The following BAZ1A variants were observed in gnomAD, a reference collection of about 807,000 sequenced individuals.
BAZ1A encodes bromodomain adjacent to zinc finger domain 1A, also known as bromodomain adjacent to zinc finger domain protein 1A.
Under a neutral mutation model 185.2 loss-of-function variants are expected in BAZ1A, and 50 were observed. That is an observed-to-expected ratio of 0.27 (90% CI 0.22 to 0.34). BAZ1A has a LOEUF of 0.34. Among genes scored for constraint, BAZ1A ranks in the 10% least tolerant of loss-of-function variants. The probability of loss-of-function intolerance (pLI) is 1.00; values close to 1 mark genes in which losing one functional copy is unlikely to be tolerated. For missense variants in BAZ1A, 1,356 were observed against 1,839.9 expected (o/e 0.74, Z 4.81); for synonymous variants, 571 against 615.6 (o/e 0.93, Z 1.07).
intron 3 of BAZ1A, among the ~76,000 whole-genome samples, chr14:34,839,735 C>A (rs773225612): frequency 1.4e-4 from 21 of 144,834 alleles, no homozygotes; most frequent in Non-Finnish European, 2.7e-4. Context: ...CCCAGCTACT[C>A]GGGAGGCTGA....
intron 12 of BAZ1A, among the ~76,000 whole-genome samples, chr14:34,789,111 T>C (rs571561889): frequency 3.0e-4 from 45 of 152,180 alleles, no homozygotes; most frequent in Non-Finnish European, 5.1e-4. Flanking sequence ...TGCAGAAAAA[T>C]ACTAGACCTA....
intron 3 of BAZ1A, among the ~76,000 whole-genome samples, chr14:34,861,495 T>C (rs1245802525): frequency 6.6e-6 from 1 of 152,170 alleles, no homozygotes. Flanking sequence ...GAAGGAGAAC[T>C]TAGTGGAGTA....
At chr14:34,870,118 G>A (rs940874494) in intron 2 of BAZ1A, among the ~76,000 whole-genome samples, 8 of 152,100 alleles carry the variant, frequency 5.3e-5, no homozygotes, top group Non-Finnish European at 1.0e-4. Flanking sequence ...CCAAGTTTTG[G>A]GGTAGGTTGT....
In BAZ1A at chr14:34,753,280, A is replaced by C. The variant is rs1886095360; in HGVS notation, c.*228T>G. The C allele has an allele frequency of 2.2e-6, 1 of 463,954 alleles. No homozygotes were observed. The highest frequency in any genetic ancestry group is 3.4e-5 in the East Asian group (1 of 29,460). The allele number at this position is 463,954 out of a possible 1,614,324, so 28.7% of individuals were successfully genotyped here. ...AAATGTACAAAAACCTCTGTAAACC[A>C]GTACTGTATCCAATACATCTATCAA... On this transcript the variant is annotated 3_prime_UTR_variant, in exon 27 of 27. Coordinates refer to ENST00000360310, the MANE Select transcript of BAZ1A (RefSeq NM_013448.3).
At chr14:34,773,752 C>T in intron 19 of BAZ1A, 26 bp from the exon 20 acceptor site, 1 of 1,609,532 alleles carries the variant, frequency 6.2e-7, no homozygotes, top group Non-Finnish European at 8.5e-7. Context: ...AACTTACTAA[C>T]CATGAAAAAT....
In BAZ1A at chr14:34,768,904, TAAAAC is replaced by T. The variant is rs1158517624; in HGVS notation, c.3301+2602_3301+2606del. ...AAAAAACATCCTCATGTATCTTACC[TAAAAC>T]AAAACATGATTTTATCTTCCCCAAA... On this transcript the variant is annotated intron_variant, in intron 21 of 26. Coordinates refer to ENST00000360310, the MANE Select transcript of BAZ1A (RefSeq NM_013448.3). 2.3e-5 allele frequency: 5 copies of T among 218,456 alleles called. No individual in the cohort carries two copies. The East Asian group carries it at 3.8e-4, about 17-fold the overall frequency. The allele number at this position is 218,456 out of a possible 1,614,324, so 13.5% of individuals were successfully genotyped here. A position where few individuals can be genotyped will look rare whatever the true frequency, so the allele number is the denominator to read the frequency against.
rs114598482 is a variant in BAZ1A at position 34,764,647 on chromosome 14, T to G, written c.3776+60A>C. On this transcript the variant is annotated intron_variant, in intron 23 of 26. Transcript: ENST00000360310. ...CCTAACTATTCCATTTGTATTTGAA[T>G]AGTGGAGAAATTGTCTAACTAAGAC... The G allele has an allele frequency of 1.7e-4, 258 of 1,544,140 alleles. 1 individual carries two copies. The African/African-American group carries it at 3.2e-3, about 19-fold the overall frequency.
At chr14:34,837,249 C>CT (rs956528567) in intron 3 of BAZ1A, among the ~76,000 whole-genome samples, 61 of 151,218 alleles carry the variant, frequency 4.0e-4, no homozygotes, top group South Asian at 1.0e-3. Flanking sequence ...TAATAAGTCT[C>CT]TTTTTTTCTT....
At chr14:34,758,444 G>C (rs1886365688) in intron 25 of BAZ1A, 1 of 324,278 alleles carries the variant, frequency 3.1e-6, no homozygotes, top group African/African-American at 2.2e-5. Context: ...GCCGGGTGTG[G>C]TGGTGTGTGC....
intron 3 of BAZ1A, among the ~76,000 whole-genome samples, chr14:34,837,680 TATTA>T (rs1169758333): frequency 1.3e-5 from 2 of 152,208 alleles, no homozygotes; most frequent in Non-Finnish European, 2.9e-5. Flanking sequence ...ATTAAAGCCT[TATTA>T]ATTAGTGTGG....
chr14:34,771,711 A>G (rs1377221163), intron 20 of BAZ1A, 52 bp from the exon 21 acceptor site: 4 of 1,545,362 alleles, frequency 2.6e-6, no homozygotes, highest in Admixed American at 3.7e-5. Context: ...CTATTAGGTA[A>G]AACTTGAGTC....
chr14:34,852,897 A>T (rs574752273), intron 3 of BAZ1A, among the ~76,000 whole-genome samples: 18 of 152,304 alleles, frequency 1.2e-4, no homozygotes, highest in African/African-American at 3.6e-4. Flanking sequence ...TGATTTTGTA[A>T]ATCAGTCCTC....
At chr14:34,813,733 CAA>C (rs1245136087) in intron 4 of BAZ1A, among the ~76,000 whole-genome samples, 3 of 151,240 alleles carry the variant, frequency 2.0e-5, no homozygotes, top group African/African-American at 4.9e-5. Flanking sequence ...GAAGCAACGA[CAA>C]GAGTTCTCAG....
chr14:34,764,960 A>G, intron 22 of BAZ1A, 27 bp from the exon 23 acceptor site: 12 of 1,613,494 alleles, frequency 7.4e-6, no homozygotes, highest in Non-Finnish European at 1.0e-5. Context: ...AATGATCATT[A>G]ATCATCTATT....
chr14:34,801,921 A>AAAAAT (rs1478862284), intron 7 of BAZ1A, among the ~76,000 whole-genome samples: 1 of 151,412 alleles, frequency 6.6e-6, no homozygotes, highest in Admixed American at 6.6e-5. Context: ...AAAAAAAAAA[A>AAAAAT]GTGTTACTGA....
chr14:34,865,450 A>C (rs559853398), intron 2 of BAZ1A, among the ~76,000 whole-genome samples: 2 of 152,144 alleles, frequency 1.3e-5, no homozygotes, highest in Non-Finnish European at 2.9e-5. Flanking sequence ...AAAAGTACTT[A>C]AACTGTTATA....
Position 34,776,263 on chromosome 14 carries a change from G to A in BAZ1A, c.2489C>T (p.Ser830Phe), listed in dbSNP as rs1167061105. The A allele has an allele frequency of 6.2e-7, 1 of 1,613,604 alleles. No individual in the cohort carries two copies. The highest frequency in any genetic ancestry group is 8.5e-7 in the Non-Finnish European group (1 of 1,179,716). The part of the protein sequence containing the change: ...IPGLFIEEDY[S>F]GLTEDMLLPR... ...CAACAGCATGTCTTCAGTAAGACCA[G>A]AATAATCCTCTTCAATAAAGAGTCC... Residue 830 changes from serine to phenylalanine, a missense_variant, in exon 18 of 27, where the codon TCT becomes TTT. This residue lies in a region of BAZ1A where 434 missense variants were observed against 561.7 expected (regional missense o/e 0.77). Coordinates refer to ENST00000360310, the MANE Select transcript of BAZ1A (RefSeq NM_013448.3).
chr14:34,836,098 G>GAGACACAT (rs1594888918), intron 3 of BAZ1A, among the ~76,000 whole-genome samples: 1 of 33,894 alleles, frequency 3.0e-5, no homozygotes, highest in East Asian at 6.5e-4. Context: ...ACTTTCTATA[G>GAGACACAT]GCCGGGCGCG....
intron 12 of BAZ1A, among the ~76,000 whole-genome samples, chr14:34,788,185 T>C (rs1880612278): frequency 6.6e-6 from 1 of 151,974 alleles, no homozygotes; most frequent in African/African-American, 2.4e-5. Context: ...GCCTGGCTAA[T>C]TTTTGTATTT....
Sources: allele counts gnomAD v4.1 joint callset (sites outside exome capture counted in the v4.1 genomes callset), GRCh38; gene constraint gnomAD v4.1.1; regional missense constraint gnomAD v4.1.1; transcripts MANE v1.5; gene names NCBI Gene and HGNC (gene_info 2026-07-23, HGNC 2026-07-21).